The following ADAMTSL1 variants were observed in gnomAD, a reference collection of about 807,000 sequenced individuals.
ADAMTSL1 encodes the protein ADAMTS-like protein 1.
ADAMTSL1 carries 126 observed loss-of-function variants against 201.8 expected under a neutral mutation model. That is an observed-to-expected ratio of 0.62 (90% CI 0.54 to 0.72). The LOEUF is 0.72. ADAMTSL1 is among the 30% of genes least tolerant of loss of function. ADAMTSL1 has a pLI of 0.00. For synonymous variants in ADAMTSL1, 1,121 were observed against 903.4 expected, an observed-to-expected ratio of 1.24 and a Z score of -4.32; for missense variants, 2,679 against 2,277.8, an observed-to-expected ratio of 1.18 and a Z score of -3.59.
At chr9:18,807,753 T>C (rs549279563) in intron 20 of ADAMTSL1, among the ~76,000 whole-genome samples, 2 of 152,304 alleles carry the variant, frequency 1.3e-5, no homozygotes, top group Admixed American at 1.3e-4. Flanking sequence ...CAGCACCTTT[T>C]TCTGTTTTTC....
chr9:17,917,618 A>T (rs1227062856), intron 1 of ADAMTSL1, among the ~76,000 whole-genome samples: 1 of 152,006 alleles, frequency 6.6e-6, no homozygotes, highest in Non-Finnish European at 1.5e-5. Flanking sequence ...TTTTACATCT[A>T]TGTCCATGAG....
Position 18,647,226 on chromosome 9 carries a change from T to C in ADAMTSL1, c.834+7815T>C, listed in dbSNP as rs868139803. Among the ~76,000 whole-genome samples, 97 of 152,346 alleles carry C rather than the reference T, an allele frequency of 6.4e-4. No individual in the cohort carries two copies. The Middle Eastern group carries it at 0.017, about 27-fold the overall frequency. On this transcript the variant is annotated intron_variant, in intron 7 of 28. Coordinates refer to ENST00000380548, the MANE Select transcript of ADAMTSL1 (RefSeq NM_001040272.6). Reference sequence around the variant, plus strand: ...GTAGTTTGTATTTCTGTGGGATCGGTGGTGATATCCCCTTTATCATTTTTT... The same window carrying C: ...GTAGTTTGTATTTCTGTGGGATCGGCGGTGATATCCCCTTTATCATTTTTT...
chr9:18,702,827 A>G (rs1454648889), intron 13 of ADAMTSL1, among the ~76,000 whole-genome samples: 3 of 151,722 alleles, frequency 2.0e-5, no homozygotes, highest in African/African-American at 7.3e-5. Context: ...CGGTGGCACG[A>G]TCTTGGCTCA....
At chr9:18,870,770 G>A (rs1388233333) in intron 23 of ADAMTSL1, among the ~76,000 whole-genome samples, 1 of 151,820 alleles carries the variant, frequency 6.6e-6, no homozygotes, top group Non-Finnish European at 1.5e-5. Context: ...ATTCTTCAAT[G>A]TTTTCAAGTA....
At chr9:18,316,346 T>G (rs57273644) in intron 2 of ADAMTSL1, among the ~76,000 whole-genome samples, 4,508 of 152,138 alleles carry the variant, frequency 0.03, 231 homozygotes, top group African/African-American at 0.1. Flanking sequence ...TTCCTCTTCC[T>G]AATAAGCCTG....
chr9:17,914,372 T>G (rs199582545), intron 1 of ADAMTSL1, among the ~76,000 whole-genome samples: 1 of 152,226 alleles, frequency 6.6e-6, no homozygotes, highest in East Asian at 1.9e-4. Context: ...TCAATATACG[T>G]AAATCAATAA....
intron 4 of ADAMTSL1, among the ~76,000 whole-genome samples, chr9:18,611,167 T>C (rs1273683127): frequency 6.6e-6 from 1 of 152,150 alleles, no homozygotes. Flanking sequence ...GATGTCAAAG[T>C]ATACCATGAT....
chr9:18,874,762 A>G (rs1008061799), intron 23 of ADAMTSL1, among the ~76,000 whole-genome samples: 2 of 152,110 alleles, frequency 1.3e-5, no homozygotes, highest in African/African-American at 4.8e-5. Context: ...TTTTGGTATT[A>G]GGATGATACT....
intron 20 of ADAMTSL1, among the ~76,000 whole-genome samples, chr9:18,804,365 G>A (rs1442855280): frequency 6.6e-6 from 1 of 152,150 alleles, no homozygotes; most frequent in Non-Finnish European, 1.5e-5. Flanking sequence ...CTGACTATTG[G>A]TCAAATGCTG....
chr9:18,863,317 G>A (rs1204948733), intron 23 of ADAMTSL1, among the ~76,000 whole-genome samples: 3 of 152,182 alleles, frequency 2.0e-5, no homozygotes, highest in Non-Finnish European at 4.4e-5. Flanking sequence ...AATATATCAA[G>A]TTCTTCTACC....
At chr9:18,852,682 A>C (rs1172573975) in intron 23 of ADAMTSL1, among the ~76,000 whole-genome samples, 1 of 152,244 alleles carries the variant, frequency 6.6e-6, no homozygotes, top group Non-Finnish European at 1.5e-5. Context: ...AAAACTAATG[A>C]AAAGAGAATG....
At chr9:18,265,264 C>T (rs1465902391) in intron 2 of ADAMTSL1, among the ~76,000 whole-genome samples, 1 of 151,900 alleles carries the variant, frequency 6.6e-6, no homozygotes, top group African/African-American at 2.4e-5. Flanking sequence ...CCCGGATACT[C>T]TTCTGCCAGA....
chr9:18,799,930 T>G (rs902137545), intron 20 of ADAMTSL1, among the ~76,000 whole-genome samples: 1 of 152,214 alleles, frequency 6.6e-6, no homozygotes. Context: ...CTTATCATAA[T>G]GTAAGTCACT....
chr9:17,929,084 C>T (rs555597143), intron 1 of ADAMTSL1, among the ~76,000 whole-genome samples: 20 of 151,998 alleles, frequency 1.3e-4, no homozygotes, highest in African/African-American at 4.3e-4. Context: ...TGCCAATTAA[C>T]CATAATTTTA....
intron 2 of ADAMTSL1, among the ~76,000 whole-genome samples, chr9:18,310,849 A>C (rs1834123403): frequency 6.6e-6 from 1 of 152,182 alleles, no homozygotes; most frequent in South Asian, 2.1e-4. Context: ...CAATTCCATT[A>C]CTGGGTATAT....
intron 3 of ADAMTSL1, among the ~76,000 whole-genome samples, chr9:18,562,718 T>C (rs1389267887): frequency 6.6e-6 from 1 of 152,224 alleles, no homozygotes; most frequent in Non-Finnish European, 1.5e-5. Flanking sequence ...TCATTCCTTT[T>C]TATTCTTTTT....
chr9:18,041,039 G>A (rs943340302), intron 1 of ADAMTSL1, among the ~76,000 whole-genome samples: 2 of 152,096 alleles, frequency 1.3e-5, no homozygotes, highest in African/African-American at 2.4e-5. Context: ...CCATCCACTA[G>A]GGGGGCAATA....
At chr9:17,983,560 G>A (rs1194702543) in intron 1 of ADAMTSL1, among the ~76,000 whole-genome samples, 1 of 152,152 alleles carries the variant, frequency 6.6e-6, no homozygotes, top group East Asian at 1.9e-4. Context: ...GTTTTCTAAA[G>A]TTTTGTTAAT....
chr9:18,849,345 GT>G (rs1826336964), intron 23 of ADAMTSL1, among the ~76,000 whole-genome samples: 1 of 152,048 alleles, frequency 6.6e-6, no homozygotes, highest in Admixed American at 6.5e-5. Context: ...GATTTTTCTT[GT>G]ACAGCCTGGA....
Sources: gnomAD v4.1 joint callset for allele counts (sites outside exome capture counted in the v4.1 genomes callset) on GRCh38, gnomAD v4.1.1 for gene constraint, MANE v1.5 for transcripts, NCBI Gene and HGNC (gene_info 2026-07-23, HGNC 2026-07-21) for gene names.